Variants in MRC1 observed in about 807,000 individuals in gnomAD.
The protein encoded by MRC1 is macrophage mannose receptor 1.
In MRC1, 62 loss-of-function variants were observed where a neutral mutation model predicts 102.9. The observed-to-expected ratio is 0.60, with a 90% CI of 0.49 to 0.74. The LOEUF is 0.74. Ranked by LOEUF, MRC1 falls within the 30% of genes least tolerant of loss-of-function variation. The probability of loss-of-function intolerance (pLI) is 0.00; values close to 1 mark genes in which losing one functional copy is unlikely to be tolerated. For missense variants in MRC1, 1,237 were observed against 862.8 expected (o/e 1.43, Z -5.43); for synonymous variants, 457 against 298.4 (o/e 1.53, Z -5.48).
chr10:17,825,061 C>G (rs886729303), intron 2 of MRC1, among the ~76,000 whole-genome samples: 15 of 151,762 alleles, frequency 9.9e-5, no homozygotes, highest in Admixed American at 6.6e-5. Context: ...GGTCTATTGA[C>G]TACATTTTGC....
At chr10:17,844,022 A>G (rs983178560) in intron 5 of MRC1, among the ~76,000 whole-genome samples, 27 of 152,292 alleles carry the variant, frequency 1.8e-4, no homozygotes, top group African/African-American at 5.5e-4. Context: ...TGTGAAATGT[A>G]TCAATGCCTA....
At chr10:17,868,197 G>A (rs978186919) in intron 12 of MRC1, among the ~76,000 whole-genome samples, 12 of 152,130 alleles carry the variant, frequency 7.9e-5, no homozygotes, top group Non-Finnish European at 1.5e-4. Context: ...TACCTACTGT[G>A]TTAGTCTGTT....
In MRC1 at chr10:17,823,793, A is replaced by G. The variant is rs1329215220; in HGVS notation, c.463+318A>G. ...CGTTTTCATTGTAGTCTTTGACCCA[A>G]AGCCTCCTAGTTAACATTATAAAGT... On this transcript the variant is annotated intron_variant, in intron 2 of 29. Transcript: ENST00000569591. Among the ~76,000 whole-genome samples, 6 of 152,214 alleles carry G rather than the reference A, an allele frequency of 3.9e-5. No homozygotes were observed. In the East Asian group the frequency reaches 1.2e-3, roughly 29 times the overall value.
intron 17 of MRC1, among the ~76,000 whole-genome samples, chr10:17,876,163 G>A (rs1334200352): frequency 6.6e-6 from 1 of 152,094 alleles, no homozygotes; most frequent in African/African-American, 2.4e-5. Flanking sequence ...GGTAAAGATG[G>A]GAATGCAGGA....
intron 4 of MRC1, among the ~76,000 whole-genome samples, chr10:17,835,040 C>T (rs969922925): frequency 3.9e-5 from 6 of 152,214 alleles, no homozygotes; most frequent in Admixed American, 3.9e-4. Context: ...TCAAGATTGC[C>T]ACCTGCTGAA....
At chr10:17,868,996 A>G (rs1291685732) in intron 12 of MRC1, among the ~76,000 whole-genome samples, 1 of 152,192 alleles carries the variant, frequency 6.6e-6, no homozygotes, top group Non-Finnish European at 1.5e-5. Flanking sequence ...CCTTCGCCTG[A>G]GGATGTTAGG....
intron 1 of MRC1, among the ~76,000 whole-genome samples, chr10:17,815,237 G>T (rs992085798): frequency 5.9e-5 from 9 of 152,100 alleles, no homozygotes; most frequent in South Asian, 2.1e-4. Flanking sequence ...CTTGGCCAAG[G>T]TCACACAGTC....
At position 17,871,863 on chromosome 10, in the gene MRC1, GA is replaced by G. The variant is rs1268343106; in HGVS notation, c.2200-111del. ...TGTGCTTTCAAAGCAAAGCTATTGT[GA>G]AAAAAAAGTAAATTGATAAAACAAT... On this transcript the variant is annotated intron_variant, in intron 14 of 29. Coordinates refer to ENST00000569591, the MANE Select transcript of MRC1 (RefSeq NM_002438.4). 1.9e-4 allele frequency: 130 copies of G among 695,294 alleles called. 1 individual carries two copies. In the South Asian group the frequency reaches 1.9e-3, roughly 10 times the overall value. The allele number at this position is 695,294 out of a possible 1,614,324, so 43.1% of individuals were successfully genotyped here. A position where few individuals can be genotyped will look rare whatever the true frequency, so the allele number is the denominator to read the frequency against.
intron 2 of MRC1, among the ~76,000 whole-genome samples, chr10:17,824,811 A>G (rs899339558): frequency 2.7e-4 from 41 of 152,234 alleles, no homozygotes; most frequent in Non-Finnish European, 5.9e-5. Flanking sequence ...TTAAAATATA[A>G]TATTATGCTT....
intron 24 of MRC1, among the ~76,000 whole-genome samples, 193 bp from the exon 25 acceptor site, chr10:17,900,595 T>C (rs1398442976): frequency 6.6e-6 from 1 of 152,202 alleles, no homozygotes; most frequent in African/African-American, 2.4e-5. Context: ...AAGAAATAAC[T>C]GTTTCTAAGA....
intron 1 of MRC1, among the ~76,000 whole-genome samples, chr10:17,818,775 G>T (rs1206324617): frequency 6.6e-6 from 1 of 152,184 alleles, no homozygotes; most frequent in Non-Finnish European, 1.5e-5. Flanking sequence ...CTCCAGCCTG[G>T]GTGAAATAGC....
chr10:17,811,013 G>A (rs1035900067), intron 1 of MRC1, among the ~76,000 whole-genome samples: 1 of 152,072 alleles, frequency 6.6e-6, no homozygotes, highest in Non-Finnish European at 1.5e-5. Flanking sequence ...GGCTGGCCTC[G>A]AACTCCTGAC....
intron 9 of MRC1, among the ~76,000 whole-genome samples, chr10:17,861,081 G>A (rs1207117340): frequency 3.9e-5 from 6 of 152,172 alleles, no homozygotes; most frequent in Non-Finnish European, 5.9e-5. Flanking sequence ...AGGCCAAGGC[G>A]GGTAGATCAC....
In MRC1 at chr10:17,879,729, A is replaced by T; in HGVS notation, c.2627A>T (p.Asp876Val). The T allele has an allele frequency of 1.3e-6, 1 of 780,836 alleles. No individual in the cohort carries two copies. The highest frequency in any genetic ancestry group is 2.4e-6 in the Non-Finnish European group (1 of 417,960). The allele number at this position is 780,836 out of a possible 1,614,324, so 48.4% of individuals were successfully genotyped here. A position where few individuals can be genotyped will look rare whatever the true frequency, so the allele number is the denominator to read the frequency against. ...TGAATTTTCTTTTCCAGTTGGATGGATGGAAGCAAAGTGGATTACGTGTCT... is the reference window on the plus strand; with the variant it reads ...TGAATTTTCTTTTCCAGTTGGATGGTTGGAAGCAAAGTGGATTACGTGTCT... The part of the protein sequence containing the change: ...ISLDKKFAWM[D>V]GSKVDYVSWA... The change falls in exon 19 of 30, where the codon GAT becomes GTT. Residue 876 changes from aspartate to valine, a missense_variant. Coordinates refer to ENST00000569591, the MANE Select transcript of MRC1 (RefSeq NM_002438.4).
intron 15 of MRC1, among the ~76,000 whole-genome samples, chr10:17,873,123 A>G (rs1833377657): frequency 1.3e-5 from 2 of 152,338 alleles, no homozygotes; most frequent in African/African-American, 4.8e-5. Context: ...CCCAAAAGCT[A>G]GGTAACCTGA....
chr10:17,877,900 G>A lies in MRC1; in HGVS notation c.2551G>A (p.Val851Ile), dbSNP rs1021801692. Reference protein sequence around the residue: ...ESEKKFLWKYVNRNDAQSAYF... With the variant: ...ESEKKFLWKYINRNDAQSAYF... ...CTATACGTAAACTTCCATGTTTCAG[G>A]TAAACAGAAATGATGCACAGTCTGC... Residue 851 changes from valine to isoleucine, a missense_variant and splice_region_variant, in exon 18 of 30, where the codon GTA (valine) becomes ATA (isoleucine). By Grantham distance (29) the Val-to-Ile change is conservative (BLOSUM62 3). Coordinates refer to ENST00000569591, the MANE Select transcript of MRC1 (RefSeq NM_002438.4). 6.3e-5 allele frequency: 55 copies of A among 871,988 alleles called. No homozygotes were observed. In the African/African-American group the frequency reaches 8.6e-4, roughly 14 times the overall value. The allele number at this position is 871,988 out of a possible 1,614,324, so 54.0% of individuals were successfully genotyped here. A position where few individuals can be genotyped will look rare whatever the true frequency, so the allele number is the denominator to read the frequency against.
chr10:17,841,669 C>T (rs1838751352), intron 5 of MRC1, among the ~76,000 whole-genome samples: 3 of 151,310 alleles, frequency 2.0e-5, no homozygotes, highest in Non-Finnish European at 2.9e-5. Flanking sequence ...TACCAACTGG[C>T]GTTAGTAGCC....
intron 2 of MRC1, among the ~76,000 whole-genome samples, chr10:17,824,752 G>A (rs1838448064): frequency 6.6e-6 from 1 of 152,106 alleles, no homozygotes; most frequent in South Asian, 2.1e-4. Flanking sequence ...TAATTGAGGA[G>A]TTTAACTTGA....
intron 5 of MRC1, among the ~76,000 whole-genome samples, chr10:17,841,931 C>T (rs1453484415): frequency 6.6e-6 from 1 of 152,038 alleles, no homozygotes; most frequent in Admixed American, 6.6e-5. Context: ...TCGCATTTGG[C>T]TTAGAAAACT....
Sources: gnomAD v4.1 joint callset for allele counts (sites outside exome capture counted in the v4.1 genomes callset) on GRCh38, gnomAD v4.1.1 for gene constraint, MANE v1.5 for transcripts, NCBI Gene and HGNC (gene_info 2026-07-23, HGNC 2026-07-21) for gene names.